The following MPP2 variants were observed in gnomAD, a reference collection of about 807,000 sequenced individuals.
The protein encoded by MPP2 is MAGUK p55 scaffold protein 2.
In MPP2, 42 loss-of-function variants were observed where a neutral mutation model predicts 58.5. The observed-to-expected ratio is 0.72, with a 90% confidence interval of 0.56 to 0.93. The LOEUF is 0.93. Among genes scored for constraint, MPP2 ranks in the 40% least tolerant of loss-of-function variants. The probability of loss-of-function intolerance (pLI) is 0.00; values close to 1 mark genes in which losing one functional copy is unlikely to be tolerated. For missense variants in MPP2, 632 were observed against 760.4 expected (o/e 0.83, Z 1.99); for synonymous variants, 300 against 307.8 (o/e 0.97, Z 0.26).
At chr17:43,884,005 A>C (rs2047259552) in intron 3 of MPP2, 1 of 671,406 alleles carries the variant, frequency 1.5e-6, no homozygotes, top group Admixed American at 2.2e-5. Flanking sequence ...AAAGAATTCC[A>C]TTTCAATAAT....
rs747111908 is a variant in MPP2 at position 43,882,939 on chromosome 17, G to A, written c.417C>T (p.Arg139=). 3 of 1,614,174 alleles carry A rather than the reference G, an allele frequency of 1.9e-6. No homozygotes were observed. The highest frequency in any genetic ancestry group is 2.2e-5 in the South Asian group (2 of 91,080). ...CGGCTGTCTTGCGGATGCCCACCAT[G>A]CGCACAGCATCGGGAGGTACAGGCT... ...SNQPVPPDAV[R]MVGIRKTAGE... The change falls in exon 5 of 13, where the codon CGC becomes CGT. Residue 139 remains arginine (R), a synonymous_variant. Transcript: ENST00000269095.
chr17:43,900,459 G>A (rs1227695241), intron 2 of MPP2: 11 of 953,802 alleles, frequency 1.2e-5, no homozygotes, highest in Admixed American at 2.2e-5. Context: ...CATCTGGCCC[G>A]CCCTTCCCTA....
chr17:43,902,519 C>T (rs2048135532), intron 2 of MPP2, among the ~76,000 whole-genome samples: 1 of 152,198 alleles, frequency 6.6e-6, no homozygotes, highest in African/African-American at 2.4e-5. Flanking sequence ...GCAGGCTGGA[C>T]AGGAGATGGG....
chr17:43,882,496 C>T lies in MPP2; in HGVS notation c.469G>A (p.Val157Met). ...GCGATCACCAGCTCGCCGCCCTCCA[C>T]GCGGAACGTTACACCCTGGAGGTCA... ...AGEHLGVTFR[V>M]EGGELVIARI... Residue 157 changes from valine to methionine, a missense_variant, in exon 6 of 13, where the codon GTG (valine) becomes ATG (methionine). Coordinates refer to ENST00000269095, the MANE Select transcript of MPP2 (RefSeq NM_005374.5). 6 of 1,604,276 alleles carry T rather than the reference C, an allele frequency of 3.7e-6. No individual in the cohort carries two copies. Among genetic ancestry groups the T allele is most frequent in the South Asian group, 1.1e-5 (1 of 91,070 alleles).
upstream of MPP2, chr17:43,909,396 A>T (rs1389444159): frequency 4.5e-6 from 2 of 446,944 alleles, no homozygotes; most frequent in South Asian, 6.3e-5. Context: ...ATTCAGGAAG[A>T]GTTCCCCTTT....
chr17:43,897,782 C>G (rs753266915), intron 3 of MPP2, among the ~76,000 whole-genome samples: 20 of 152,196 alleles, frequency 1.3e-4, no homozygotes, highest in Non-Finnish European at 5.9e-5. Flanking sequence ...TCACCCACCC[C>G]AGGCTGGGTT....
intron 3 of MPP2, among the ~76,000 whole-genome samples, chr17:43,885,124 A>G (rs1281491178): frequency 1.5e-5 from 2 of 134,242 alleles, no homozygotes; most frequent in African/African-American, 6.9e-5. Context: ...CTCCAGCTCA[A>G]AAAAAAAAAA....
In MPP2 at chr17:43,882,368, T is replaced by C. The variant is rs1207366926; in HGVS notation, c.597A>G (p.Ala199=). ...NGQPVGSDPR[A]LQELLRNASG... is the part of the protein sequence containing the mutation. ...TGGCATTGCGCAGGAGCTCCTGCAG[T>C]GCGCGGGGGTCACTGCCCACTGGCT... Residue 199 remains alanine (A), a synonymous_variant, in exon 6 of 13, where the codon GCA becomes GCG. Coordinates refer to ENST00000269095, the MANE Select transcript of MPP2 (RefSeq NM_005374.5). The C allele has an allele frequency of 1.9e-6, 3 of 1,612,374 alleles. No individual in the cohort carries two copies. Among genetic ancestry groups the C allele is most frequent in the African/African-American group, 1.3e-5 (1 of 75,040 alleles).
chr17:43,897,589 C>T (rs1219891153), intron 3 of MPP2, among the ~76,000 whole-genome samples: 4 of 152,216 alleles, frequency 2.6e-5, no homozygotes, highest in African/African-American at 9.6e-5. Flanking sequence ...CCAACCTTTG[C>T]ACAGCTCGCA....
At position 43,879,507 on chromosome 17, in the gene MPP2, G is replaced by A. The variant is rs1567873376; in HGVS notation, c.1354-104C>T. On this transcript the variant is annotated intron_variant, in intron 11 of 12. Coordinates refer to ENST00000269095, the MANE Select transcript of MPP2 (RefSeq NM_005374.5). The surrounding 1 kb of genome is among the most constrained non-coding windows in gnomAD (Gnocchi z 4.1). ...GGGGTTGGGGTGAGCACTTGGGAGT[G>A]GATGAGAAAAGGGTGCCCGGGGGTC... The A allele has an allele frequency of 1.4e-6, 2 of 1,462,848 alleles. No homozygotes were observed. The highest frequency in any genetic ancestry group is 1.8e-5 in the Admixed American group (1 of 54,998). The allele number at this position is 1,462,848 out of a possible 1,614,324, so 90.6% of individuals were successfully genotyped here. A position where few individuals can be genotyped will look rare whatever the true frequency, so the allele number is the denominator to read the frequency against.
At chr17:43,904,405 G>A in intron 2 of MPP2, 25 bp downstream of exon 2, 1 of 1,612,984 alleles carries the variant, frequency 6.2e-7, no homozygotes, top group Non-Finnish European at 8.5e-7. Flanking sequence ...ACTGAAATAA[G>A]CTAACATCCT....
At chr17:43,905,683 C>T (rs1264391159) in intron 1 of MPP2, 1 of 152,196 alleles carries the variant, frequency 6.6e-6, no homozygotes, top group Non-Finnish European at 1.5e-5. Flanking sequence ...TGGCAGTGCC[C>T]ACTTTAGGAC....
intron 5 of MPP2, 88 bp downstream of exon 5, chr17:43,882,815 C>G (rs1597764695): frequency 1.3e-6 from 2 of 1,577,854 alleles, no homozygotes; most frequent in Admixed American, 3.5e-5. Flanking sequence ...CATCTTCAGA[C>G]CACACTTGGC....
chr17:43,903,912 G>A (rs1360525662), intron 2 of MPP2, among the ~76,000 whole-genome samples: 3 of 152,154 alleles, frequency 2.0e-5, no homozygotes, highest in Non-Finnish European at 2.9e-5. Context: ...ACAGAGCCAC[G>A]TCCAGGTATC....
At position 43,880,327 on chromosome 17, in the gene MPP2, C is replaced by T. The variant is rs950436403; in HGVS notation, c.1151-343G>A. ...GGCAGCCAGGAGCTTCCACCACCCC[C>T]GCTGTTTCTGCCACTAAGAAGCCCT... On this transcript the variant is annotated intron_variant, in intron 10 of 12. Coordinates refer to ENST00000269095, the MANE Select transcript of MPP2 (RefSeq NM_005374.5). The surrounding 1 kb of genome is among the most constrained non-coding windows in gnomAD (Gnocchi z 5.2). Among the ~76,000 whole-genome samples, 1 of 152,190 alleles carries T rather than the reference C, an allele frequency of 6.6e-6. No individual in the cohort carries two copies. The highest frequency in any genetic ancestry group is 2.4e-5 in the African/African-American group (1 of 41,444).
At position 43,881,646 on chromosome 17, in the gene MPP2, G is replaced by C. The variant is rs148633818; in HGVS notation, c.682-57C>G. The C allele has an allele frequency of 4.0e-5, 63 of 1,588,604 alleles. No individual in the cohort carries two copies. The African/African-American group carries it at 6.4e-4, about 16-fold the overall frequency. The stretch of plus-strand genomic sequence containing the variant: ...AAGGGTCAGCAGAAGGCTGCAGGTG[G>C]AGGTCTACCCCATGCCCCCTCTTTT... On this transcript the variant is annotated intron_variant, in intron 6 of 12. Transcript: ENST00000269095.
Position 43,878,037 on chromosome 17 carries a change from C to T in MPP2, c.1483-54G>A, listed in dbSNP as rs911439213. ...AGTCAGTGCCCACAACTCACCCCCACTGTCAGAAGGAGCTACAGCTGCCCC... is the reference window on the plus strand; with the variant it reads ...AGTCAGTGCCCACAACTCACCCCCATTGTCAGAAGGAGCTACAGCTGCCCC... On this transcript the variant is annotated intron_variant, in intron 12 of 12. Coordinates refer to ENST00000269095, the MANE Select transcript of MPP2 (RefSeq NM_005374.5). 9 of 1,553,642 alleles carry T rather than the reference C, an allele frequency of 5.8e-6. No individual in the cohort carries two copies. The South Asian group carries it at 9.5e-5, about 16-fold the overall frequency.
chr17:43,900,505 C>A (rs1182088144), intron 2 of MPP2: 25 of 1,549,398 alleles, frequency 1.6e-5, no homozygotes, highest in Non-Finnish European at 2.1e-5. Context: ...CAGAAGACTC[C>A]AGGGATATAC....
chr17:43,885,465 G>GT (rs2047327587), intron 3 of MPP2, among the ~76,000 whole-genome samples: 1 of 152,168 alleles, frequency 6.6e-6, no homozygotes. Flanking sequence ...AAACCAAGAT[G>GT]TGGACACTCA....
Sources: gnomAD v4.1 joint callset for allele counts (sites outside exome capture counted in the v4.1 genomes callset) on GRCh38, gnomAD v4.1.1 for gene constraint, Gnocchi (gnomAD v3.1) non-coding constraint, MANE v1.5 for transcripts, NCBI Gene and HGNC (gene_info 2026-07-23, HGNC 2026-07-21) for gene names.